PALS1: variants seen among roughly 807,000 people sequenced by gnomAD.
PALS1 encodes the protein protein PALS1.
In PALS1, 31 loss-of-function variants were observed where a neutral mutation model predicts 78.9. The ratio of observed to expected loss-of-function variants is 0.39; its 90% CI spans 0.30 to 0.53. The LOEUF (loss-of-function observed/expected upper bound fraction) is 0.53. Ranked by LOEUF, PALS1 falls within the 20% of genes least tolerant of loss-of-function variation. The probability of loss-of-function intolerance (pLI) is 0.67; values close to 1 mark genes in which losing one functional copy is unlikely to be tolerated. For synonymous variants in PALS1, 276 were observed against 270.9 expected, an observed-to-expected ratio of 1.02 and a Z score of -0.18; for missense variants, 704 against 826.5, an observed-to-expected ratio of 0.85 and a Z score of 1.82.
chr14:67,303,602 A>G lies in PALS1; in HGVS notation c.1041+3A>G, dbSNP rs575573067. ...CGCCTCCTGCCAAGGAAACAGTAGTAAGTGATTTTTAAATGTTCATTATTT... is the reference window on the plus strand; with the variant it reads ...CGCCTCCTGCCAAGGAAACAGTAGTGAGTGATTTTTAAATGTTCATTATTT... On this transcript the variant is annotated splice_donor_region_variant and intron_variant, in intron 8 of 14. Coordinates refer to ENST00000261681, the MANE Select transcript of PALS1 (RefSeq NM_022474.4). 12 of 1,608,266 alleles carry G rather than the reference A, an allele frequency of 7.5e-6. No homozygotes were observed. The East Asian group carries it at 2.0e-4, about 27-fold the overall frequency.
chr14:67,302,452 C>A lies in PALS1; in HGVS notation c.844C>A (p.Arg282=). ...RNEMDSVIIS[R]IVKGGAAEKS... Reference sequence around the variant, plus strand: ...TGAAATGGACTCTGTCATCATTAGCCGGATAGTAAAAGGGGGTGCTGCAGA... The same window carrying A: ...TGAAATGGACTCTGTCATCATTAGCAGGATAGTAAAAGGGGGTGCTGCAGA... The change falls in exon 7 of 15, where the codon CGG becomes AGG. Residue 282 remains arginine, a synonymous_variant. Transcript: ENST00000261681. 1 of 1,597,978 alleles carries A rather than the reference C, an allele frequency of 6.3e-7. No homozygotes were observed. Among genetic ancestry groups the A allele is most frequent in the African/African-American group, 1.3e-5 (1 of 74,114 alleles).
intron 8 of PALS1, chr14:67,311,949 CAA>C (rs1049073073): frequency 6.6e-6 from 1 of 152,582 alleles, no homozygotes; most frequent in Non-Finnish European, 1.5e-5. Context: ...ACAGTGGGGT[CAA>C]GAGACAATGA....
At chr14:67,271,759 T>C (rs2140591308) in intron 2 of PALS1, 1 of 152,292 alleles carries the variant, frequency 6.6e-6, no homozygotes, top group Non-Finnish European at 1.5e-5. Flanking sequence ...TCTAGATTCT[T>C]GTGGGAAATT....
intron 2 of PALS1, among the ~76,000 whole-genome samples, chr14:67,277,650 A>G (rs1036410823): frequency 3.9e-5 from 6 of 152,224 alleles, no homozygotes; most frequent in African/African-American, 1.4e-4. Flanking sequence ...ACATATGTAA[A>G]CAACCTGCCT....
chr14:67,296,123 A>G (rs914966791), intron 4 of PALS1, among the ~76,000 whole-genome samples: 3 of 151,982 alleles, frequency 2.0e-5, no homozygotes, highest in Admixed American at 6.6e-5. Context: ...GAATGGTGAG[A>G]AGAAGGAAAA....
chr14:67,292,795 C>A, intron 4 of PALS1, 76 bp downstream of exon 4: 1 of 1,066,056 alleles, frequency 9.4e-7, no homozygotes, highest in Non-Finnish European at 1.4e-6. Context: ...TTGGAAAATA[C>A]TAATGTGACT....
chr14:67,307,535 G>A (rs1432184979), intron 8 of PALS1, among the ~76,000 whole-genome samples: 1 of 152,124 alleles, frequency 6.6e-6, no homozygotes, highest in East Asian at 1.9e-4. Flanking sequence ...TAACTGTGTT[G>A]TAAAGAAAAG....
In PALS1 at chr14:67,274,749, C is replaced by T. The variant is rs533847123; in HGVS notation, c.-153-4269C>T. Among the ~76,000 whole-genome samples, 84 of 152,274 alleles carry T rather than the reference C, an allele frequency of 5.5e-4. 2 individuals carry two copies. The South Asian group carries it at 0.017, about 30-fold the overall frequency. The stretch of plus-strand genomic sequence containing the variant: ...TTTCACGATATTGATTCTTCCCATC[C>T]ATGAGCATGGAATGTTCTTCCATTT... On this transcript the variant is annotated intron_variant, in intron 2 of 14. Coordinates refer to ENST00000261681, the MANE Select transcript of PALS1 (RefSeq NM_022474.4).
chr14:67,242,703 T>C (rs930202807), intron 1 of PALS1, among the ~76,000 whole-genome samples: 3 of 152,020 alleles, frequency 2.0e-5, no homozygotes, highest in Non-Finnish European at 4.4e-5. Flanking sequence ...TGCGGCAGGA[T>C]GAGCTATTAA....
At chr14:67,254,035 CT>C (rs2084106437) in intron 1 of PALS1, among the ~76,000 whole-genome samples, 1 of 142,972 alleles carries the variant, frequency 7.0e-6, no homozygotes. Context: ...TCCCCCCCCC[CT>C]TACAAGTTTT....
intron 3 of PALS1, among the ~76,000 whole-genome samples, chr14:67,288,945 GTTTTA>G (rs1051521439): frequency 2.1e-5 from 3 of 143,224 alleles, no homozygotes; most frequent in East Asian, 2.1e-4. Flanking sequence ...CAAGGAAAAA[GTTTTA>G]TTTTCTTTAT....
At chr14:67,309,895 A>G (rs2085061699) in intron 8 of PALS1, among the ~76,000 whole-genome samples, 1 of 152,166 alleles carries the variant, frequency 6.6e-6, no homozygotes, top group South Asian at 2.1e-4. Context: ...TTGTCAATCA[A>G]GATTGACAAG....
intron 1 of PALS1, among the ~76,000 whole-genome samples, chr14:67,260,995 C>T (rs879930407): frequency 1.3e-5 from 2 of 152,130 alleles, no homozygotes; most frequent in Non-Finnish European, 2.9e-5. Flanking sequence ...CAAGCAGACT[C>T]CAGGCCCTAG....
intron 14 of PALS1, among the ~76,000 whole-genome samples, chr14:67,328,631 A>C (rs944786963): frequency 6.6e-6 from 1 of 152,162 alleles, no homozygotes; most frequent in Non-Finnish European, 1.5e-5. Flanking sequence ...TAAGTCTTTA[A>C]TCCATCTTGA....
intron 1 of PALS1, among the ~76,000 whole-genome samples, chr14:67,252,432 G>A (rs921301640): frequency 6.6e-6 from 1 of 152,172 alleles, no homozygotes; most frequent in Non-Finnish European, 1.5e-5. Flanking sequence ...TGGTATTACA[G>A]GAGTGAGCCA....
At chr14:67,256,409 T>A (rs1226230981) in intron 1 of PALS1, among the ~76,000 whole-genome samples, 2 of 152,130 alleles carry the variant, frequency 1.3e-5, no homozygotes, top group African/African-American at 2.4e-5. Flanking sequence ...TTATATATTT[T>A]AAAAAAACAA....
chr14:67,244,333 C>T lies in PALS1; in HGVS notation c.-237+2800C>T, dbSNP rs2083953200. Among the ~76,000 whole-genome samples the T allele has an allele frequency of 2.0e-5, 3 of 152,314 alleles. No individual in the cohort carries two copies. In the South Asian group the frequency reaches 6.2e-4, roughly 32 times the overall value. On this transcript the variant is annotated intron_variant, in intron 1 of 14. Coordinates refer to ENST00000261681, the MANE Select transcript of PALS1 (RefSeq NM_022474.4). ...AACATTACTAGCTACAGCCAAATTACCCTTTTTAATGCTGTAATCATTTAC... is the reference window on the plus strand; with the variant it reads ...AACATTACTAGCTACAGCCAAATTATCCTTTTTAATGCTGTAATCATTTAC...
At chr14:67,262,959 T>TA (rs903861262) in intron 1 of PALS1, among the ~76,000 whole-genome samples, 4 of 152,048 alleles carry the variant, frequency 2.6e-5, no homozygotes, top group African/African-American at 9.7e-5. Context: ...CTAGTGCCTT[T>TA]AAAAAAAACT....
At chr14:67,281,810 A>T (rs1366756762) in intron 3 of PALS1, among the ~76,000 whole-genome samples, 5 of 146,860 alleles carry the variant, frequency 3.4e-5, no homozygotes, top group African/African-American at 1.2e-4. Flanking sequence ...ATTTCTCTTA[A>T]TTTTTTTTTT....
Sources: gnomAD v4.1 joint callset for allele counts (sites outside exome capture counted in the v4.1 genomes callset) on GRCh38, gnomAD v4.1.1 for gene constraint, MANE v1.5 for transcripts, NCBI Gene and HGNC (gene_info 2026-07-23, HGNC 2026-07-21) for gene names.